LOC728743: variants seen among roughly 807,000 people sequenced by gnomAD.
At chr7:150,402,016 T>C in the LOC728743 span, among the ~76,000 whole-genome samples, 1 of 152,196 alleles carries the variant, frequency 6.6e-6, no homozygotes, top group Non-Finnish European at 1.5e-5. Flanking sequence ...ATTTAAACCA[T>C]AGGTCCTTGG....
At chr7:150,407,073 G>A in the LOC728743 span, among the ~76,000 whole-genome samples, 1 of 152,148 alleles carries the variant, frequency 6.6e-6, no homozygotes, top group African/African-American at 2.4e-5. Flanking sequence ...TGGTTGGAGG[G>A]ATAAGACATA....
the LOC728743 span, among the ~76,000 whole-genome samples, chr7:150,409,272 C>T: frequency 6.6e-6 from 1 of 151,982 alleles, no homozygotes. Flanking sequence ...TGATCTCAGA[C>T]TTATGCTTTA....
chr7:150,405,063 G>A, the LOC728743 span: 2 of 152,316 alleles, frequency 1.3e-5, no homozygotes, highest in Non-Finnish European at 2.9e-5. Flanking sequence ...AGGGAATCCC[G>A]AAAGGGGGAA....
At chr7:150,408,069 A>C in the LOC728743 span, 7 of 379,304 alleles carry the variant, frequency 1.8e-5, no homozygotes, top group Admixed American at 4.6e-5. Context: ...CCCGCGCCGC[A>C]CCCGCGCCGC....
chr7:150,404,676 A>C, the LOC728743 span: 4 of 152,256 alleles, frequency 2.6e-5, no homozygotes, highest in Admixed American at 6.5e-5. Flanking sequence ...AGACGTCGTA[A>C]GTTGCTCTTT....
chr7:150,402,121 T>C, the LOC728743 span, among the ~76,000 whole-genome samples: 1 of 152,210 alleles, frequency 6.6e-6, no homozygotes, highest in Non-Finnish European at 1.5e-5. Flanking sequence ...ACTTGAATGG[T>C]TACTTGCAGA....
the LOC728743 span, among the ~76,000 whole-genome samples, chr7:150,403,832 C>T: frequency 5.3e-5 from 8 of 152,112 alleles, no homozygotes; most frequent in Non-Finnish European, 1.2e-4. This position sits in a 1 kb window ranked among gnomAD's most constrained non-coding sequence, Gnocchi z 5.1. Context: ...CCAGAGGCCA[C>T]AAGCCAGACG....
At chr7:150,410,412 GACCTCATCCTGGCTGCCTGGCC>G in the LOC728743 span, 6 of 383,902 alleles carry the variant, frequency 1.6e-5, no homozygotes, top group African/African-American at 2.1e-5. Flanking sequence ...AGCTGGGGCA[GACCTCATCCTGGCTGCCTGGCC>G]ACAGGCCCCC....
chr7:150,411,478 A>G, the LOC728743 span: 1 of 152,738 alleles, frequency 6.5e-6, no homozygotes, highest in Admixed American at 6.5e-5. Flanking sequence ...CACCTGAACC[A>G]GTCAGCCTGG....
At chr7:150,400,779 C>T in the LOC728743 span, 13 of 152,188 alleles carry the variant, frequency 8.5e-5, 1 homozygote, top group Non-Finnish European at 1.6e-4. Flanking sequence ...AATGATAAAC[C>T]TGGGTCAGAG....
the LOC728743 span, among the ~76,000 whole-genome samples, chr7:150,408,733 T>A: frequency 6.6e-6 from 1 of 152,198 alleles, no homozygotes; most frequent in East Asian, 1.9e-4. Flanking sequence ...CTGTACACAC[T>A]CTCTGCTGTC....
the LOC728743 span, chr7:150,405,412 G>A: frequency 6.6e-6 from 1 of 152,216 alleles, no homozygotes; most frequent in Non-Finnish European, 1.5e-5. Flanking sequence ...CACTGCGGGC[G>A]TGCTACCGTA....
chr7:150,401,585 G>T, the LOC728743 span, among the ~76,000 whole-genome samples: 1 of 152,246 alleles, frequency 6.6e-6, no homozygotes, highest in Admixed American at 6.5e-5. Context: ...CATTGTGGCA[G>T]GGGCAGTGAG....
chr7:150,402,576 G>A, the LOC728743 span, among the ~76,000 whole-genome samples: 1 of 152,232 alleles, frequency 6.6e-6, no homozygotes, highest in South Asian at 2.1e-4. Flanking sequence ...AATAGTCCCT[G>A]CCCTTTGAAG....
the LOC728743 span, among the ~76,000 whole-genome samples, chr7:150,402,546 G>A: frequency 3.3e-5 from 5 of 152,236 alleles, no homozygotes; most frequent in African/African-American, 4.8e-5. Flanking sequence ...TGCTGGACAC[G>A]TGGGACAAAG....
At chr7:150,402,965 C>T in the LOC728743 span, among the ~76,000 whole-genome samples, 14 of 152,222 alleles carry the variant, frequency 9.2e-5, no homozygotes, top group Non-Finnish European at 2.1e-4. Context: ...CCATGGTCTG[C>T]TGTTCTCCAG....
At chr7:150,403,726 G>A in the LOC728743 span, among the ~76,000 whole-genome samples, 5 of 152,122 alleles carry the variant, frequency 3.3e-5, no homozygotes, top group Admixed American at 1.3e-4. The surrounding 1 kb of genome is among the most constrained non-coding windows in gnomAD (Gnocchi z 5.1). Flanking sequence ...GCCAATTTCC[G>A]TGGGACGTGG....
chr7:150,401,870 C>T, the LOC728743 span, among the ~76,000 whole-genome samples: 266 of 152,296 alleles, frequency 1.7e-3, 1 homozygote, highest in African/African-American at 6.0e-3. Flanking sequence ...CTGGGCATAA[C>T]AGCCCCAGGG....
the LOC728743 span, among the ~76,000 whole-genome samples, chr7:150,409,264 A>T: frequency 7.2e-5 from 11 of 151,850 alleles, no homozygotes; most frequent in Non-Finnish European, 4.4e-5. Flanking sequence ...GAGTGCTATG[A>T]TCTCAGACTT....
Sources: allele counts gnomAD v4.1 joint callset (sites outside exome capture counted in the v4.1 genomes callset), GRCh38; gene constraint gnomAD v4.1.1; non-coding constraint Gnocchi (gnomAD v3.1); transcripts MANE v1.5.